PBX1: variants seen among roughly 807,000 people sequenced by gnomAD.
PBX1 encodes PBX homeobox 1, also known as pre-B-cell leukemia transcription factor 1.
In PBX1, 6 loss-of-function variants were observed where a neutral mutation model predicts 53.4. The observed-to-expected ratio is 0.11, with a 90% CI of 0.06 to 0.22. The LOEUF is 0.22. Ranked by LOEUF, PBX1 falls within the 10% of genes least tolerant of loss-of-function variation. PBX1 has a pLI of 1.00. For synonymous variants in PBX1, 204 were observed against 212.3 expected (o/e 0.96, Z 0.34); for missense variants, 251 against 551.4 (o/e 0.46, Z 5.46).
intron 2 of PBX1, among the ~76,000 whole-genome samples, chr1:164,747,740 A>C (rs1665972301): frequency 6.6e-6 from 1 of 152,190 alleles, no homozygotes; most frequent in Non-Finnish European, 1.5e-5. Context: ...ATGATGCTTA[A>C]GTAATCTAGG....
intron 2 of PBX1, among the ~76,000 whole-genome samples, chr1:164,670,975 C>T (rs917806860): frequency 2.6e-5 from 4 of 152,160 alleles, no homozygotes; most frequent in African/African-American, 7.2e-5. Flanking sequence ...AGTCTTCTTC[C>T]CTATCAGCCA....
intron 2 of PBX1, among the ~76,000 whole-genome samples, chr1:164,749,840 A>AT (rs1666100024): frequency 6.6e-6 from 1 of 152,104 alleles, no homozygotes; most frequent in Admixed American, 6.5e-5. Context: ...GATCAAGAGG[A>AT]TGTGGGAATG....
chr1:164,613,790 C>T (rs927319802), intron 2 of PBX1, among the ~76,000 whole-genome samples: 1 of 152,118 alleles, frequency 6.6e-6, no homozygotes, highest in East Asian at 1.9e-4. Context: ...TGACTCCACC[C>T]TAGCACCTGA....
intron 2 of PBX1, among the ~76,000 whole-genome samples, chr1:164,661,424 GT>G (rs60440122): frequency 0.2 from 25,288 of 127,926 alleles, 1,905 homozygotes; most frequent in African/African-American, 0.23. Context: ...CTGTAAGCCA[GT>G]TTTTTTTTTT....
chr1:164,816,667 C>G (rs955624734), intron 6 of PBX1: 1 of 151,942 alleles, frequency 6.6e-6, no homozygotes, highest in African/African-American at 2.4e-5. Flanking sequence ...AGAGGATAAC[C>G]ATTGTAGGGC....
chr1:164,612,327 C>T (rs1274781780), intron 2 of PBX1, among the ~76,000 whole-genome samples: 1 of 152,102 alleles, frequency 6.6e-6, no homozygotes, highest in Non-Finnish European at 1.5e-5. Flanking sequence ...ATTTCAAATG[C>T]GTCGCCATTG....
At chr1:164,803,272 A>C (rs554948173) in intron 4 of PBX1, among the ~76,000 whole-genome samples, 1 of 152,364 alleles carries the variant, frequency 6.6e-6, no homozygotes, top group East Asian at 1.9e-4. Context: ...ACAGAACACC[A>C]CATGTTACAC....
intron 2 of PBX1, among the ~76,000 whole-genome samples, chr1:164,649,461 A>G (rs560212923): frequency 1.8e-3 from 278 of 152,282 alleles, no homozygotes; most frequent in African/African-American, 6.2e-3. Context: ...CAAAACTGTC[A>G]TCCTCCCAAC....
At chr1:164,766,570 A>G (rs1011410103) in intron 2 of PBX1, among the ~76,000 whole-genome samples, 1 of 152,152 alleles carries the variant, frequency 6.6e-6, no homozygotes, top group Admixed American at 6.6e-5. Context: ...ACAGCTAGTG[A>G]GAAGCAGAGA....
At chr1:164,562,038 T>G (rs556393439) in intron 1 of PBX1, among the ~76,000 whole-genome samples, 1 of 152,062 alleles carries the variant, frequency 6.6e-6, no homozygotes, top group Admixed American at 6.5e-5. Flanking sequence ...ACTTAGTAGA[T>G]AGTATGTCCT....
chr1:164,733,756 T>A (rs1665125018), intron 2 of PBX1, among the ~76,000 whole-genome samples: 1 of 152,232 alleles, frequency 6.6e-6, no homozygotes, highest in Non-Finnish European at 1.5e-5. Context: ...CCAATTAAAA[T>A]TTTTAATAAA....
chr1:164,636,178 C>A (rs78270039), intron 2 of PBX1, among the ~76,000 whole-genome samples: 4,864 of 150,830 alleles, frequency 0.032, 122 homozygotes, highest in South Asian at 0.1. Flanking sequence ...TCCTTTTGAT[C>A]TCAGTTACAG....
At chr1:164,563,933 G>A (rs201001426) in intron 2 of PBX1, 5 of 152,208 alleles carry the variant, frequency 3.3e-5, no homozygotes, top group East Asian at 3.9e-4. Context: ...TCTAGACCTC[G>A]TTTCGTGGAC....
intron 2 of PBX1, among the ~76,000 whole-genome samples, chr1:164,719,055 G>A (rs1027419501): frequency 6.6e-6 from 1 of 152,100 alleles, no homozygotes; most frequent in African/African-American, 2.4e-5. Flanking sequence ...ATTCTACTCA[G>A]CCTTGCTCAC....
At chr1:164,591,923 G>C (rs941312755) in intron 2 of PBX1, among the ~76,000 whole-genome samples, 1 of 152,174 alleles carries the variant, frequency 6.6e-6, no homozygotes, top group African/African-American at 2.4e-5. Flanking sequence ...CTGTGAACAG[G>C]GGTGCTGTGG....
At chr1:164,746,791 C>T (rs535955613) in intron 2 of PBX1, among the ~76,000 whole-genome samples, 1 of 152,182 alleles carries the variant, frequency 6.6e-6, no homozygotes, top group South Asian at 2.1e-4. Context: ...TGAATTATCT[C>T]CTATGTTTTA....
chr1:164,664,310 GT>G (rs1339079911), intron 2 of PBX1, among the ~76,000 whole-genome samples: 1 of 152,200 alleles, frequency 6.6e-6, no homozygotes, highest in Non-Finnish European at 1.5e-5. Flanking sequence ...AGATGAGGGA[GT>G]TTTTTAGTTG....
intron 2 of PBX1, among the ~76,000 whole-genome samples, chr1:164,870,275 TTCTTTCTTTCTTTCTTTC>T (rs1672333706): frequency 5.8e-5 from 1 of 17,168 alleles, no homozygotes; most frequent in African/African-American, 1.6e-4. Context: ...CCTTCTTTCT[TTCTTTCTTTCTTTCTTTC>T]TTTCTTTCTT....
chr1:164,739,753 A>ATGCG (rs1249833541), intron 2 of PBX1, among the ~76,000 whole-genome samples: 1,732 of 143,086 alleles, frequency 0.012, 29 homozygotes, highest in African/African-American at 0.03. Context: ...GTGGTTGTGC[A>ATGCG]TGTGTGTGTG....
Sources: gnomAD v4.1 joint callset for allele counts (sites outside exome capture counted in the v4.1 genomes callset) on GRCh38, gnomAD v4.1.1 for gene constraint, MANE v1.5 for transcripts, NCBI Gene and HGNC (gene_info 2026-07-23, HGNC 2026-07-21) for gene names.